Variants in CADPS observed in about 807,000 individuals in gnomAD.
The protein encoded by CADPS is calcium-dependent secretion activator 1.
A neutral mutation model predicts 167.3 loss-of-function variants in CADPS; 57 were observed. The ratio of observed to expected loss-of-function variants is 0.34; its 90% CI spans 0.28 to 0.42. The LOEUF is 0.42. CADPS is among the 20% of genes least tolerant of loss of function. The pLI, the probability that CADPS is intolerant of heterozygous loss-of-function variation, is 1.00. For missense variants in CADPS, 1,414 were observed against 1,738.1 expected (o/e 0.81, Z 3.32); for synonymous variants, 676 against 635.3 (o/e 1.06, Z -0.96).
chr3:62,801,847 C>G (rs1368454318), intron 1 of CADPS, among the ~76,000 whole-genome samples: 1 of 152,136 alleles, frequency 6.6e-6, no homozygotes, highest in Non-Finnish European at 1.5e-5. Context: ...GTTCTGACCT[C>G]AAAATGTATG....
chr3:62,531,766 T>C (rs911025521), intron 13 of CADPS, among the ~76,000 whole-genome samples: 4 of 152,196 alleles, frequency 2.6e-5, no homozygotes, highest in Admixed American at 6.5e-5. Flanking sequence ...TTTATACTAA[T>C]GCAAGGCTAC....
intron 6 of CADPS, among the ~76,000 whole-genome samples, chr3:62,604,125 C>T (rs560498153): frequency 5.9e-5 from 9 of 152,196 alleles, no homozygotes; most frequent in South Asian, 4.2e-4. Context: ...CCACCTCACC[C>T]GGCCTGCTAT....
intron 3 of CADPS, among the ~76,000 whole-genome samples, chr3:62,733,904 C>T (rs1415896292): frequency 6.6e-6 from 1 of 152,150 alleles, no homozygotes; most frequent in African/African-American, 2.4e-5. Flanking sequence ...TTTGCATCCT[C>T]ACAGCTTAAC....
intron 13 of CADPS, among the ~76,000 whole-genome samples, chr3:62,530,445 A>G (rs1296330654): frequency 6.6e-6 from 1 of 152,182 alleles, no homozygotes; most frequent in African/African-American, 2.4e-5. Flanking sequence ...TTTAAAAGTC[A>G]CTGAACACCT....
intron 27 of CADPS, among the ~76,000 whole-genome samples, chr3:62,443,964 C>A (rs925414921): frequency 1.3e-5 from 2 of 152,168 alleles, no homozygotes; most frequent in African/African-American, 4.8e-5. Flanking sequence ...ACCTAGCTTG[C>A]AGGAATTATT....
At chr3:62,692,228 G>C (rs2079276636) in intron 3 of CADPS, among the ~76,000 whole-genome samples, 1 of 151,836 alleles carries the variant, frequency 6.6e-6, no homozygotes, top group Non-Finnish European at 1.5e-5. Context: ...TCACCCCAAA[G>C]CTTTTGATTA....
intron 1 of CADPS, among the ~76,000 whole-genome samples, chr3:62,781,004 A>G (rs935452752): frequency 6.6e-6 from 1 of 152,216 alleles, no homozygotes; most frequent in African/African-American, 2.4e-5. Context: ...TTTATTTTTT[A>G]AAAAGATACT....
intron 17 of CADPS, among the ~76,000 whole-genome samples, chr3:62,511,202 T>C (rs908658839): frequency 1.3e-5 from 2 of 152,210 alleles, no homozygotes; most frequent in Non-Finnish European, 2.9e-5. Flanking sequence ...CCATGAGATA[T>C]AGTCTGAACT....
chr3:62,766,469 G>A (rs2086895871), intron 1 of CADPS, among the ~76,000 whole-genome samples: 1 of 152,076 alleles, frequency 6.6e-6, no homozygotes, highest in Admixed American at 6.6e-5. Flanking sequence ...AGAAATGGTT[G>A]TTAAACATGT....
intron 10 of CADPS, among the ~76,000 whole-genome samples, chr3:62,555,952 C>T (rs1156236134): frequency 3.3e-5 from 5 of 152,088 alleles, no homozygotes; most frequent in Non-Finnish European, 7.4e-5. Context: ...TGATGTCTGG[C>T]TTTGTTGCCC....
rs1263988069 is a variant in CADPS, at chr3:62,399,098, T to TGAA, written c.*305_*307dup. On this transcript the variant is annotated 3_prime_UTR_variant, in exon 30 of 30. Transcript: ENST00000383710. The surrounding 1 kb of genome is among the most constrained non-coding windows in gnomAD (Gnocchi z 5.6). ...CACCAATGCATACATAGTACATGAA[T>TGAA]GAAGCATCATTGATCTTTGCTGATA... The TGAA allele has an allele frequency of 3.3e-5, 9 of 272,472 alleles. No individual in the cohort carries two copies. The Admixed American group carries it at 3.8e-4, about 12-fold the overall frequency. The allele number at this position is 272,472 out of a possible 1,614,324, so 16.9% of individuals were successfully genotyped here.
intron 1 of CADPS, among the ~76,000 whole-genome samples, chr3:62,852,337 G>A (rs561879100): frequency 1.3e-5 from 2 of 152,248 alleles, no homozygotes; most frequent in African/African-American, 4.8e-5. Flanking sequence ...TTCCTCAGAT[G>A]GAAATGCAGA....
intron 9 of CADPS, among the ~76,000 whole-genome samples, chr3:62,557,887 A>G (rs377136572): frequency 6.6e-6 from 1 of 152,170 alleles, no homozygotes; most frequent in African/African-American, 2.4e-5. Flanking sequence ...TGTAGGTCAA[A>G]AGTGGTTAAA....
Position 62,481,735 on chromosome 3 carries a change from A to G in CADPS, c.3161T>C (p.Ile1054Thr), listed in dbSNP as rs757094635. 9 of 1,603,194 alleles carry G rather than the reference A, an allele frequency of 5.6e-6. No homozygotes were observed. The highest frequency in any genetic ancestry group is 7.6e-6 in the Non-Finnish European group (9 of 1,177,022). Residue 1054 changes from isoleucine to threonine, a missense_variant, in exon 22 of 30, where the codon ATA becomes ACA. Transcript: ENST00000383710. ...ACTGAATACACACTCCGCATCATAT[A>G]TAGCAGCCATCCATGACGGTGCCGA... The part of the protein sequence containing the change: ...TFSAPSWMAA[I>T]YDADNGSGTS...
In CADPS at chr3:62,481,880, A is replaced by G; in HGVS notation, c.3027-11T>C. The stretch of plus-strand genomic sequence containing the variant: ...TTACTGGTTAAACTCCTGTGGAAGA[A>G]ACAGACAGAAAGAAAAAATACCATC... On this transcript the variant is annotated splice_polypyrimidine_tract_variant and intron_variant, in intron 21 of 29. Coordinates refer to ENST00000383710, the MANE Select transcript of CADPS (RefSeq NM_003716.4). 2 of 1,602,986 alleles carry G rather than the reference A, an allele frequency of 1.2e-6. No homozygotes were observed. The highest frequency in any genetic ancestry group is 1.7e-6 in the Non-Finnish European group (2 of 1,176,052).
rs1346083865 is a variant in CADPS at position 62,859,582 on chromosome 3, T to G, written c.441+15007A>C. Among the ~76,000 whole-genome samples the G allele has an allele frequency of 2.6e-5, 4 of 152,172 alleles. No homozygotes were observed. The East Asian group carries it at 7.7e-4, about 29-fold the overall frequency. On this transcript the variant is annotated intron_variant, in intron 1 of 29. Transcript: ENST00000383710. The stretch of plus-strand genomic sequence containing the variant: ...ACATCTTAACCAGTGTCTGTTTACT[T>G]TGAAGGTCTATACTGCTGAATCATA...
chr3:62,628,190 TATACCAGTTTGTATTACTGC>T (rs925657399), intron 6 of CADPS, among the ~76,000 whole-genome samples: 2 of 152,162 alleles, frequency 1.3e-5, no homozygotes, highest in African/African-American at 4.8e-5. Context: ...AGTAAGGCAT[TATACCAGTTTGTATTACTGC>T]AACAGTGAAC....
chr3:62,740,432 G>C (rs1042162116), intron 3 of CADPS, among the ~76,000 whole-genome samples: 1 of 152,196 alleles, frequency 6.6e-6, no homozygotes, highest in African/African-American at 2.4e-5. Flanking sequence ...TTAATACACA[G>C]TAGCAAAGAA....
rs2058550558 is a variant in CADPS at position 62,455,201 on chromosome 3, T to C, written c.3637-9404A>G. ...CCTGTTTTTCCTTCCAGTTTTCCTT[T>C]TCCTCATTTCTGTCCCAATCCCTCA... is the stretch of plus-strand genomic sequence containing the variant. On this transcript the variant is annotated intron_variant, in intron 26 of 29. Transcript: ENST00000383710. This position sits in a 1 kb window ranked among gnomAD's most constrained non-coding sequence, Gnocchi z 4.4. Among the ~76,000 whole-genome samples, 1 of 146,378 alleles carries C rather than the reference T, an allele frequency of 6.8e-6. No homozygotes were observed.
Sources: allele counts gnomAD v4.1 joint callset (sites outside exome capture counted in the v4.1 genomes callset), GRCh38; gene constraint gnomAD v4.1.1; non-coding constraint Gnocchi (gnomAD v3.1); transcripts MANE v1.5; gene names NCBI Gene and HGNC (gene_info 2026-07-23, HGNC 2026-07-21).